Variants in MAP2K6 observed in about 807,000 individuals in gnomAD.
The protein encoded by MAP2K6 is mitogen-activated protein kinase kinase 6, also known as dual specificity mitogen-activated protein kinase kinase 6.
Under a neutral mutation model 53.7 loss-of-function variants are expected in MAP2K6, and 16 were observed. The observed-to-expected ratio is 0.30, with a 90% CI of 0.20 to 0.45. The LOEUF (loss-of-function observed/expected upper bound fraction) is 0.45. Ranked by LOEUF, MAP2K6 falls within the 20% of genes least tolerant of loss-of-function variation. The pLI is 1.00. For synonymous variants in MAP2K6, 132 were observed against 143.1 expected (o/e 0.92, Z 0.55); for missense variants, 204 against 411.9 (o/e 0.50, Z 4.37).
At chr17:69,474,701 T>C (rs549575700) in intron 1 of MAP2K6, among the ~76,000 whole-genome samples, 3 of 152,350 alleles carry the variant, frequency 2.0e-5, no homozygotes, top group South Asian at 4.1e-4. Flanking sequence ...GTAATACTTC[T>C]AGGACCCTGA....
chr17:69,503,674 T>C (rs955394376), intron 1 of MAP2K6, among the ~76,000 whole-genome samples: 2 of 152,204 alleles, frequency 1.3e-5, no homozygotes, highest in African/African-American at 2.4e-5. Flanking sequence ...TATAGTGGGC[T>C]ATAATGATGT....
At chr17:69,484,035 C>T (rs923143588) in intron 1 of MAP2K6, among the ~76,000 whole-genome samples, 7 of 151,892 alleles carry the variant, frequency 4.6e-5, no homozygotes, top group South Asian at 4.1e-4. Flanking sequence ...GATTTGTCAA[C>T]GATTTCTTAG....
intron 5 of MAP2K6, chr17:69,519,743 A>G (rs1433727807): frequency 3.5e-6 from 1 of 284,600 alleles, no homozygotes; most frequent in East Asian, 9.7e-5. Context: ...AATTTGAAAT[A>G]TTCTGGTCTT....
At chr17:69,522,272 G>T (rs914895124) in intron 7 of MAP2K6, among the ~76,000 whole-genome samples, 11 of 152,064 alleles carry the variant, frequency 7.2e-5, no homozygotes, top group African/African-American at 2.4e-4. Context: ...TAGGATGAAG[G>T]AAGATGAGAA....
At chr17:69,465,061 G>C (rs1235787499) in intron 1 of MAP2K6, among the ~76,000 whole-genome samples, 3 of 151,794 alleles carry the variant, frequency 2.0e-5, no homozygotes, top group Non-Finnish European at 2.9e-5. Context: ...CATTTTTACA[G>C]ACCCCCACAG....
intron 4 of MAP2K6, among the ~76,000 whole-genome samples, 198 bp downstream of exon 4, chr17:69,517,811 T>C (rs1431681046): frequency 1.3e-5 from 2 of 152,206 alleles, no homozygotes; most frequent in Non-Finnish European, 2.9e-5. Context: ...ACTTTTTATT[T>C]GTTTTTTTAA....
intron 10 of MAP2K6, among the ~76,000 whole-genome samples, chr17:69,531,031 T>C (rs540384788): frequency 1.3e-5 from 2 of 152,300 alleles, no homozygotes; most frequent in South Asian, 4.1e-4. Flanking sequence ...AGCTGTGTTA[T>C]TGAGACATAA....
chr17:69,527,866 A>G (rs1200162047), intron 10 of MAP2K6, among the ~76,000 whole-genome samples: 1 of 152,162 alleles, frequency 6.6e-6, no homozygotes, highest in Non-Finnish European at 1.5e-5. Flanking sequence ...CTGTAATCCC[A>G]GTACTTTGGG....
intron 10 of MAP2K6, among the ~76,000 whole-genome samples, chr17:69,530,558 A>G (rs1381167278): frequency 6.6e-6 from 1 of 152,176 alleles, no homozygotes; most frequent in African/African-American, 2.4e-5. Context: ...TCTGAATTTT[A>G]TGAGCATTCT....
intron 1 of MAP2K6, chr17:69,432,936 A>G (rs1379322505): frequency 1.3e-5 from 2 of 152,188 alleles, no homozygotes; most frequent in East Asian, 1.9e-4. Flanking sequence ...GATTACTTTT[A>G]TAACAAGACC....
chr17:69,415,414 T>C (rs933836567), intron 1 of MAP2K6, among the ~76,000 whole-genome samples: 1 of 152,212 alleles, frequency 6.6e-6, no homozygotes, highest in Non-Finnish European at 1.5e-5. Context: ...AGGTAAAACT[T>C]GAGTTAAACT....
intron 1 of MAP2K6, among the ~76,000 whole-genome samples, chr17:69,430,544 A>G (rs999339767): frequency 6.6e-6 from 1 of 152,216 alleles, no homozygotes; most frequent in Non-Finnish European, 1.5e-5. Context: ...TTATGTGAAG[A>G]TGCACTCATA....
chr17:69,537,648 G>C (rs1198979061), intron 11 of MAP2K6, among the ~76,000 whole-genome samples: 1 of 152,218 alleles, frequency 6.6e-6, no homozygotes, highest in East Asian at 1.9e-4. Context: ...TGTTGCCTAA[G>C]CTTTGATTGA....
chr17:69,447,571 C>A (rs1208568490), intron 1 of MAP2K6, among the ~76,000 whole-genome samples: 1 of 152,008 alleles, frequency 6.6e-6, no homozygotes, highest in East Asian at 1.9e-4. Flanking sequence ...GTCTTGAACT[C>A]CTGACCTCAA....
In MAP2K6 at chr17:69,445,192, A is replaced by G. The variant is rs1567819921; in HGVS notation, c.16+30192A>G. ...CACCTCGGCCTCCCAAAGTGCTGAGATTACAGGCATAAGCCACCACACCAG... is the reference window on the plus strand; with the variant it reads ...CACCTCGGCCTCCCAAAGTGCTGAGGTTACAGGCATAAGCCACCACACCAG... On this transcript the variant is annotated intron_variant, in intron 1 of 11. Transcript: ENST00000590474. Among the ~76,000 whole-genome samples, 4 of 152,224 alleles carry G rather than the reference A, an allele frequency of 2.6e-5. No homozygotes were observed. In the South Asian group the frequency reaches 8.3e-4, roughly 31 times the overall value.
chr17:69,459,478 G>A (rs1291505960), intron 1 of MAP2K6, among the ~76,000 whole-genome samples: 3 of 152,088 alleles, frequency 2.0e-5, no homozygotes, highest in East Asian at 1.9e-4. Context: ...TTGGGAGGCC[G>A]AGATAGGTGG....
rs1168249387 is a variant in MAP2K6, at chr17:69,449,503, TTCTTTCTTTCTTTG to T, written c.16+34531_16+34544del. 8.6e-4 allele frequency among the ~76,000 whole-genome samples: 117 copies of T among 136,524 alleles called. 2 individuals are homozygous for T. Among genetic ancestry groups the T allele is most frequent in the Non-Finnish European group, 4.5e-4 (28 of 62,404 alleles). The allele number at this position is 136,524 out of a possible 152,430, so 89.6% of individuals were successfully genotyped here. A position where few individuals can be genotyped will look rare whatever the true frequency, so the allele number is the denominator to read the frequency against. On this transcript the variant is annotated intron_variant, in intron 1 of 11. Transcript: ENST00000590474. ...GTGTTGGTTGTCCTTTCTTTCTTTT[TTCTTTCTTTCTTTG>T]TCTTTCTTTCTTTGTCTTTCTTTCT...
At chr17:69,497,704 T>C (rs1158603535) in intron 1 of MAP2K6, among the ~76,000 whole-genome samples, 1 of 152,218 alleles carries the variant, frequency 6.6e-6, no homozygotes, top group African/African-American at 2.4e-5. Flanking sequence ...AGTAGAAAAC[T>C]CAGAATTCTT....
chr17:69,437,510 T>G (rs1001622037), intron 1 of MAP2K6, among the ~76,000 whole-genome samples: 1 of 152,170 alleles, frequency 6.6e-6, no homozygotes, highest in African/African-American at 2.4e-5. Context: ...ATAAGTGGAC[T>G]TGTGTGGTTC....
Sources: gnomAD v4.1 joint callset for allele counts (sites outside exome capture counted in the v4.1 genomes callset) on GRCh38, gnomAD v4.1.1 for gene constraint, MANE v1.5 for transcripts, NCBI Gene and HGNC (gene_info 2026-07-23, HGNC 2026-07-21) for gene names.